COX7B2: variants seen among roughly 807,000 people sequenced by gnomAD.
The protein encoded by COX7B2 is cytochrome c oxidase subunit 7B2, mitochondrial.
For synonymous variants in COX7B2, 37 were observed against 32.1 expected (o/e 1.15, Z -0.51); for missense variants, 109 against 95.9 (o/e 1.14, Z -0.57).
chr4:46,906,530 C>T (rs1560448172), intron 1 of COX7B2, among the ~76,000 whole-genome samples: 1 of 152,120 alleles, frequency 6.6e-6, no homozygotes, highest in East Asian at 1.9e-4. Flanking sequence ...ACTGGTTAAC[C>T]TTTTTATTAA....
At chr4:46,748,119 ACC>A (rs1171503724) in intron 2 of COX7B2, among the ~76,000 whole-genome samples, 1 of 152,202 alleles carries the variant, frequency 6.6e-6, no homozygotes, top group East Asian at 1.9e-4. Context: ...AAATCTTGGA[ACC>A]AATACTGGCC....
chr4:46,768,428 G>C (rs187219938), intron 2 of COX7B2, among the ~76,000 whole-genome samples: 7 of 152,232 alleles, frequency 4.6e-5, no homozygotes, highest in African/African-American at 1.7e-4. Context: ...CTGCTCCTCT[G>C]CCACTGGAGT....
Position 46,805,296 on chromosome 4 carries a change from G to A in COX7B2, c.-50+39664C>T, listed in dbSNP as rs540378245. 8.5e-5 allele frequency among the ~76,000 whole-genome samples: 13 copies of A among 152,366 alleles called. No homozygotes were observed. In the South Asian group the frequency reaches 1.0e-3, roughly 12 times the overall value. On this transcript the variant is annotated intron_variant, in intron 2 of 2. Transcript: ENST00000355591. ...TGGGGCCAGAGTGGGCATCAAGGCC[G>A]AGGAGGTGCCGAGAGCCAGCCAGGG...
intron 2 of COX7B2, among the ~76,000 whole-genome samples, chr4:46,832,489 G>GGC (rs931867501): frequency 2.0e-5 from 3 of 152,044 alleles, no homozygotes; most frequent in Admixed American, 1.3e-4. Context: ...CCAATACACT[G>GGC]GCAAAAACCA....
chr4:46,808,520 T>G (rs1719121582), intron 2 of COX7B2, among the ~76,000 whole-genome samples: 1 of 151,796 alleles, frequency 6.6e-6, no homozygotes, highest in Non-Finnish European at 1.5e-5. Flanking sequence ...TTCATGTCCT[T>G]TGTTTCTTAT....
intron 2 of COX7B2, among the ~76,000 whole-genome samples, chr4:46,792,351 G>C (rs565935848): frequency 4.6e-5 from 7 of 152,290 alleles, no homozygotes; most frequent in African/African-American, 1.7e-4. Flanking sequence ...GTTTGTTTAT[G>C]AGGGCATTTC....
chr4:46,907,847 A>ATTTTT (rs1308450950), intron 1 of COX7B2, among the ~76,000 whole-genome samples: 3 of 67,236 alleles, frequency 4.5e-5, no homozygotes, highest in Admixed American at 1.6e-4. Context: ...ATTTGAGCAG[A>ATTTTT]CTTTTTTTTT....
intron 2 of COX7B2, among the ~76,000 whole-genome samples, chr4:46,793,761 T>C (rs1190368408): frequency 6.6e-6 from 1 of 152,198 alleles, no homozygotes; most frequent in African/African-American, 2.4e-5. Context: ...CCCAGCCTCA[T>C]AGGCCAGATG....
At chr4:46,816,772 A>G (rs1166968784) in intron 2 of COX7B2, among the ~76,000 whole-genome samples, 1 of 152,200 alleles carries the variant, frequency 6.6e-6, no homozygotes, top group Non-Finnish European at 1.5e-5. Context: ...GGTTTTCACT[A>G]TAGCTGAGGT....
intron 2 of COX7B2, among the ~76,000 whole-genome samples, chr4:46,832,055 T>A (rs1715157768): frequency 1.3e-5 from 2 of 152,148 alleles, no homozygotes; most frequent in African/African-American, 4.8e-5. Context: ...ATCAGCAGGA[T>A]GTGGGTGGGG....
chr4:46,784,705 C>T (rs1717659726), intron 2 of COX7B2, among the ~76,000 whole-genome samples: 1 of 152,204 alleles, frequency 6.6e-6, no homozygotes, highest in South Asian at 2.1e-4. Context: ...GTAAAATTCT[C>T]AACCCCAAGA....
At chr4:46,887,468 T>G (rs1299070255) in intron 1 of COX7B2, among the ~76,000 whole-genome samples, 1 of 152,022 alleles carries the variant, frequency 6.6e-6, no homozygotes, top group African/African-American at 2.4e-5. Flanking sequence ...TCCCAGCACT[T>G]TGGGAGGCCA....
intron 1 of COX7B2, among the ~76,000 whole-genome samples, chr4:46,848,593 T>C (rs527478076): frequency 1.3e-5 from 2 of 152,214 alleles, no homozygotes; most frequent in African/African-American, 2.4e-5. Flanking sequence ...TATTCCTCTA[T>C]TCATTCACTC....
chr4:46,838,883 CT>C (rs879855732), intron 2 of COX7B2, among the ~76,000 whole-genome samples: 2,056 of 145,954 alleles, frequency 0.014, 21 homozygotes, highest in Middle Eastern at 0.044. Context: ...TTTCCTGGAA[CT>C]TTTTTTTTTT....
chr4:46,863,233 A>G (rs1411220073), intron 1 of COX7B2, among the ~76,000 whole-genome samples: 4 of 152,182 alleles, frequency 2.6e-5, no homozygotes, highest in Non-Finnish European at 5.9e-5. Context: ...ATAGATATAC[A>G]TATGTATTTT....
At chr4:46,799,025 G>A (rs1239268583) in intron 2 of COX7B2, among the ~76,000 whole-genome samples, 1 of 151,994 alleles carries the variant, frequency 6.6e-6, no homozygotes, top group Non-Finnish European at 1.5e-5. Flanking sequence ...AGAAGTATTG[G>A]GGCCTTTGCT....
intron 2 of COX7B2, among the ~76,000 whole-genome samples, chr4:46,742,133 G>A (rs1186639252): frequency 6.6e-6 from 1 of 152,124 alleles, no homozygotes; most frequent in African/African-American, 2.4e-5. Context: ...GAATAAGTTA[G>A]TCAAAAGAAA....
intron 2 of COX7B2, among the ~76,000 whole-genome samples, chr4:46,772,902 G>A (rs1298648067): frequency 1.3e-5 from 2 of 152,174 alleles, no homozygotes; most frequent in South Asian, 2.1e-4. Context: ...TTAGTTTGGT[G>A]GGCTTTAAAT....
intron 2 of COX7B2, among the ~76,000 whole-genome samples, chr4:46,762,443 A>ATATATATACTATATATAGTATATGTAC (rs1394526947): frequency 2.2e-5 from 3 of 136,952 alleles, no homozygotes; most frequent in East Asian, 2.0e-4. Context: ...TATATACTGT[A>ATATATATACTATATATAGTATATGTAC]TATATATACT....
Sources: gnomAD v4.1 joint callset for allele counts (sites outside exome capture counted in the v4.1 genomes callset) on GRCh38, gnomAD v4.1.1 for gene constraint, MANE v1.5 for transcripts, NCBI Gene and HGNC (gene_info 2026-07-23, HGNC 2026-07-21) for gene names.